The following USP9Y variants were observed in gnomAD, a reference collection of about 807,000 sequenced individuals.
USP9Y encodes the protein ubiquitin specific peptidase 9 Y-linked.
In USP9Y, 41 loss-of-function variants were observed where a neutral mutation model predicts 53.1. That is an observed-to-expected ratio of 0.77 (90% confidence interval 0.60 to 1.00). USP9Y has a LOEUF of 1.00. Ranked by LOEUF, USP9Y falls within the 50% of genes least tolerant of loss-of-function variation. The pLI, the probability that USP9Y is intolerant of heterozygous loss-of-function variation, is 0.00. For synonymous variants in USP9Y, 220 were observed against 173.7 expected (o/e 1.27, Z -2.09); for missense variants, 567 against 535.8 (o/e 1.06, Z -0.58).
intron 24 of USP9Y, among the ~76,000 whole-genome samples, chrY:12,787,254 T>C: frequency 5.9e-5 from 2 of 34,070 alleles, no homozygotes; most frequent in Non-Finnish European, 1.5e-4. Context: ...AGTGCTTAGA[T>C]TGGATGCAAA....
chrY:12,849,360 G>A (rs2053569995), intron 42 of USP9Y, among the ~76,000 whole-genome samples: 1 of 33,110 alleles, frequency 3.0e-5, no homozygotes, highest in Non-Finnish European at 7.4e-5. Flanking sequence ...AGACAATGGG[G>A]TTTTCTAAAT....
intron 12 of USP9Y, among the ~76,000 whole-genome samples, chrY:12,750,667 C>T: frequency 3.0e-5 from 1 of 33,147 alleles, no homozygotes; most frequent in African/African-American, 1.2e-4. Flanking sequence ...GTGTTTATGT[C>T]CTATTTTACA....
chrY:12,709,649 A>G, intron 3 of USP9Y, 106 bp downstream of exon 3: 1 of 210,735 alleles, frequency 4.7e-6, no homozygotes, highest in Non-Finnish European at 8.3e-6. Flanking sequence ...ATTTTAAGTT[A>G]CACGTGAAAA....
chrY:12,746,483 A>T, intron 12 of USP9Y, among the ~76,000 whole-genome samples: 1 of 32,893 alleles, frequency 3.0e-5, no homozygotes, highest in Non-Finnish European at 7.5e-5. Flanking sequence ...AAAAACAAAT[A>T]CCCTTTTTAA....
intron 33 of USP9Y, among the ~76,000 whole-genome samples, chrY:12,820,880 T>C: frequency 5.9e-5 from 2 of 33,790 alleles, no homozygotes; most frequent in Non-Finnish European, 1.5e-4. Context: ...TAAGCTATAA[T>C]GTGTTTGTAC....
intron 7 of USP9Y, among the ~76,000 whole-genome samples, chrY:12,731,982 G>A (rs2053447424): frequency 3.1e-5 from 1 of 32,370 alleles, no homozygotes; most frequent in Non-Finnish European, 7.5e-5. Context: ...TTTTTATAAC[G>A]TTTTTTGGTG....
chrY:12,782,000 C>G, intron 22 of USP9Y, among the ~76,000 whole-genome samples: 1 of 33,041 alleles, frequency 3.0e-5, no homozygotes, highest in Admixed American at 2.8e-4. Context: ...ACAGAGGAAT[C>G]ACTGTCTATG....
At chrY:12,824,084 T>C (rs2053544154) in intron 33 of USP9Y, among the ~76,000 whole-genome samples, 2 of 32,699 alleles carry the variant, frequency 6.1e-5, no homozygotes, top group African/African-American at 2.4e-4. Flanking sequence ...TAATTATGCA[T>C]GGTTTTAGTA....
At chrY:12,744,861 T>G (rs2053459708) in intron 12 of USP9Y, among the ~76,000 whole-genome samples, 1 of 33,401 alleles carries the variant, frequency 3.0e-5, no homozygotes, top group African/African-American at 1.2e-4. Context: ...TAGGCTTTGT[T>G]GAGCTTCCTT....
At chrY:12,856,078 TCTGA>T in intron 42 of USP9Y, among the ~76,000 whole-genome samples, 1 of 33,182 alleles carries the variant, frequency 3.0e-5, no homozygotes, top group East Asian at 8.0e-4. Context: ...GATTCCTATG[TCTGA>T]CTAAGTCAGA....
At chrY:12,849,312 G>A in intron 42 of USP9Y, among the ~76,000 whole-genome samples, 2 of 33,617 alleles carry the variant, frequency 5.9e-5, no homozygotes, top group Admixed American at 2.7e-4. Context: ...ATGCTGAGAC[G>A]TTGCTGAAGT....
intron 19 of USP9Y, among the ~76,000 whole-genome samples, chrY:12,777,667 C>T (rs2053493834): frequency 9.1e-5 from 3 of 32,969 alleles, no homozygotes; most frequent in Admixed American, 5.6e-4. Context: ...ACTCATATTC[C>T]GTGTTTGAAA....
At chrY:12,711,287 G>GTAATTAA (rs2053424641) in intron 3 of USP9Y, among the ~76,000 whole-genome samples, 1 of 32,803 alleles carries the variant, frequency 3.0e-5, no homozygotes. Context: ...TTTCAATTCT[G>GTAATTAA]TAATTAATAA....
intron 21 of USP9Y, 48 bp from the exon 22 acceptor site, chrY:12,779,478 T>C: frequency 2.6e-6 from 1 of 391,196 alleles, no homozygotes; most frequent in South Asian, 3.0e-5. Context: ...CAAAAAACTT[T>C]TTGTAGCACA....
intron 27 of USP9Y, chrY:12,803,911 C>T (rs2053521366): frequency 2.9e-5 from 1 of 34,407 alleles, no homozygotes; most frequent in Non-Finnish European, 7.3e-5. Context: ...ATAGCCACCA[C>T]TTCTGCCTCC....
rs2053453652 is a variant in USP9Y at position 12,738,200 on chromosome Y, A to G, written c.1208A>G (p.Asp403Gly). The change falls in exon 11 of 46, where the codon GAC becomes GGC. Residue 403 changes from aspartate (D) to glycine (G), a missense_variant. Asp to Gly is a moderately conservative substitution (Grantham distance 94). Coordinates refer to ENST00000338981, the MANE Select transcript of USP9Y (RefSeq NM_004654.4). ...QNNILSIVLQ[D>G]SLHQPQYVEK... ...AATATCTTATCCATAGTCTTGCAAG[A>G]CAGTCTTCATCAACCACAATATGTA... The G allele has an allele frequency of 2.5e-6, 1 of 393,845 alleles. No individual in the cohort carries two copies. The highest frequency in any genetic ancestry group is 3.6e-6 in the Non-Finnish European group (1 of 281,220).
At chrY:12,720,213 T>G in intron 3 of USP9Y, among the ~76,000 whole-genome samples, 2 of 32,967 alleles carry the variant, frequency 6.1e-5, no homozygotes, top group Non-Finnish European at 1.5e-4. Flanking sequence ...GCCTGAACAA[T>G]ACGGTGAAAC....
intron 36 of USP9Y, 27 bp from the exon 37 acceptor site, chrY:12,840,983 A>T (rs2053560554): frequency 2.7e-6 from 1 of 368,241 alleles, no homozygotes; most frequent in Non-Finnish European, 3.8e-6. Flanking sequence ...AAATGTTTTT[A>T]ACCATATATA....
At chrY:12,825,943 C>A in intron 33 of USP9Y, among the ~76,000 whole-genome samples, 2 of 21,711 alleles carry the variant, frequency 9.2e-5, no homozygotes, top group African/African-American at 3.1e-4. Flanking sequence ...CTTTTCTTTT[C>A]TTTTCTATTT....
Sources: gnomAD v4.1 joint callset for allele counts (sites outside exome capture counted in the v4.1 genomes callset) on GRCh38, gnomAD v4.1.1 for gene constraint, MANE v1.5 for transcripts, NCBI Gene and HGNC (gene_info 2026-07-23, HGNC 2026-07-21) for gene names.